Variants in SHC3 observed in about 807,000 individuals in gnomAD.
SHC3 encodes SHC-transforming protein 3.
SHC3 carries 15 observed loss-of-function variants against 60.4 expected under a neutral mutation model. That is an observed-to-expected ratio of 0.25 (90% CI 0.17 to 0.38). The LOEUF is 0.38. Among genes scored for constraint, SHC3 ranks in the 10% least tolerant of loss-of-function variants. The probability of loss-of-function intolerance (pLI) is 1.00; values close to 1 mark genes in which losing one functional copy is unlikely to be tolerated. For synonymous variants in SHC3, 294 were observed against 325.9 expected, an observed-to-expected ratio of 0.90 and a Z score of 1.05; for missense variants, 677 against 786.1, an observed-to-expected ratio of 0.86 and a Z score of 1.66.
intron 11 of SHC3, among the ~76,000 whole-genome samples, chr9:89,018,312 A>T (rs931246198): frequency 0.028 from 89 of 3,188 alleles, no homozygotes; most frequent in Non-Finnish European, 0.17. Flanking sequence ...TGCAGCCATA[A>T]AAAAAAGGAT....
At chr9:89,105,536 T>C (rs1825846964) in intron 2 of SHC3, among the ~76,000 whole-genome samples, 2 of 152,224 alleles carry the variant, frequency 1.3e-5, no homozygotes, top group African/African-American at 2.4e-5. Context: ...ATATCCTACT[T>C]ATGTATATGT....
Position 89,008,710 on chromosome 9 carries a change from A to C in SHC3, c.*4737T>G, listed in dbSNP as rs1332394114. Reference sequence around the variant, plus strand: ...CCAGAAACAGCCTTTCATAAGTGATAGACTTGGTGAATAAATACCCCAGCT... The same window carrying C: ...CCAGAAACAGCCTTTCATAAGTGATCGACTTGGTGAATAAATACCCCAGCT... On this transcript the variant is annotated 3_prime_UTR_variant, in exon 12 of 12. Transcript: ENST00000375835. The C allele has an allele frequency of 1.3e-5, 2 of 152,114 alleles. No homozygotes were observed. Among genetic ancestry groups the C allele is most frequent in the African/African-American group, 4.8e-5 (2 of 41,420 alleles). 9.4% of individuals were successfully genotyped at this position (152,114 alleles called of 1,614,324 possible).
At chr9:89,054,190 TC>T (rs1824909187) in intron 6 of SHC3, among the ~76,000 whole-genome samples, 1 of 152,078 alleles carries the variant, frequency 6.6e-6, no homozygotes, top group African/African-American at 2.4e-5. Flanking sequence ...GTGGGAAAGG[TC>T]CAGGACATGT....
At chr9:89,052,552 T>C (rs1286341965) in intron 6 of SHC3, among the ~76,000 whole-genome samples, 5 of 152,158 alleles carry the variant, frequency 3.3e-5, no homozygotes, top group Non-Finnish European at 5.9e-5. Context: ...CTAGGTCCCT[T>C]CAAACCCATG....
intron 2 of SHC3, among the ~76,000 whole-genome samples, chr9:89,093,599 A>G (rs1269850954): frequency 6.6e-6 from 1 of 152,066 alleles, no homozygotes; most frequent in Admixed American, 6.5e-5. Flanking sequence ...ATTCATAACA[A>G]AGGAAATTAA....
rs769351820 is a variant in SHC3, at chr9:89,046,946, T to C, written c.1011A>G (p.Ser337=). The change falls in exon 8 of 12, where the codon TCA becomes TCG. Residue 337 remains serine (S), a synonymous_variant. Transcript: ENST00000375835. ...GGATGCTGTTGTAGTATGGGTGGTC[T>C]GAGCCATCTCCCTCCTCTTCCGTCC... ...EPWTEEEGDG[S]DHPYYNSIPS... The C allele has an allele frequency of 2.5e-6, 4 of 1,610,550 alleles. No homozygotes were observed. The South Asian group carries it at 4.5e-5, about 18-fold the overall frequency.
At chr9:89,128,980 A>C (rs1291668293) in intron 1 of SHC3, among the ~76,000 whole-genome samples, 1 of 152,212 alleles carries the variant, frequency 6.6e-6, no homozygotes, top group Non-Finnish European at 1.5e-5. Flanking sequence ...GGATGTTCGA[A>C]CCCATCATAA....
intron 1 of SHC3, among the ~76,000 whole-genome samples, chr9:89,170,980 T>C (rs1175530523): frequency 6.6e-6 from 1 of 152,164 alleles, no homozygotes; most frequent in African/African-American, 2.4e-5. Context: ...CAAGGGATGA[T>C]TGTACACAAA....
rs556973125 is a variant in SHC3 at position 89,043,558 on chromosome 9, G to A, written c.1202-1374C>T. Among the ~76,000 whole-genome samples the A allele has an allele frequency of 3.9e-5, 6 of 152,286 alleles. No individual in the cohort carries two copies. The East Asian group carries it at 9.7e-4, about 24-fold the overall frequency. On this transcript the variant is annotated intron_variant, in intron 9 of 11. Coordinates refer to ENST00000375835, the MANE Select transcript of SHC3 (RefSeq NM_016848.6). ...CCGGGGCAGGAGGACACGTGCCATCGTGATACCTGGAGTTCACTTCCATTA... is the reference window on the plus strand; with the variant it reads ...CCGGGGCAGGAGGACACGTGCCATCATGATACCTGGAGTTCACTTCCATTA...
At chr9:89,158,965 C>T (rs1564188048) in intron 1 of SHC3, among the ~76,000 whole-genome samples, 1 of 152,118 alleles carries the variant, frequency 6.6e-6, no homozygotes, top group South Asian at 2.1e-4. Context: ...ATGACAGAGG[C>T]TGATAGTTGG....
At chr9:89,093,038 C>T (rs1026172230) in intron 2 of SHC3, among the ~76,000 whole-genome samples, 1 of 152,150 alleles carries the variant, frequency 6.6e-6, no homozygotes, top group Admixed American at 6.6e-5. Flanking sequence ...GAGTCCATTA[C>T]AAAGAATGCT....
chr9:89,168,113 C>G (rs1329820128), intron 1 of SHC3, among the ~76,000 whole-genome samples: 1 of 152,234 alleles, frequency 6.6e-6, no homozygotes, highest in South Asian at 2.1e-4. Flanking sequence ...AGCTCAGACC[C>G]CTACTCTAGC....
At chr9:89,024,335 TG>T (rs1164734194) in intron 11 of SHC3, among the ~76,000 whole-genome samples, 75 of 152,306 alleles carry the variant, frequency 4.9e-4, no homozygotes, top group African/African-American at 1.7e-3. Context: ...TGGAGTGCAA[TG>T]GTACGATCAT....
At chr9:89,150,117 T>C (rs753637633) in intron 1 of SHC3, among the ~76,000 whole-genome samples, 49 of 152,198 alleles carry the variant, frequency 3.2e-4, no homozygotes, top group Non-Finnish European at 5.0e-4. Context: ...TTGTCGTTAA[T>C]CCCTTACTGT....
intron 6 of SHC3, among the ~76,000 whole-genome samples, chr9:89,064,373 G>A (rs1354158643): frequency 6.6e-6 from 1 of 152,184 alleles, no homozygotes; most frequent in Non-Finnish European, 1.5e-5. Context: ...AGAGAGCCTG[G>A]TGAGGCAGCC....
chr9:89,120,519 C>G (rs1826077514), intron 1 of SHC3, among the ~76,000 whole-genome samples: 1 of 152,184 alleles, frequency 6.6e-6, no homozygotes, highest in Non-Finnish European at 1.5e-5. Context: ...TTTCACCCAG[C>G]AGAATGGTCA....
intron 6 of SHC3, among the ~76,000 whole-genome samples, chr9:89,058,645 G>C (rs561950773): frequency 1.3e-5 from 2 of 149,938 alleles, no homozygotes; most frequent in Admixed American, 1.3e-4. Flanking sequence ...GTGGAGGACA[G>C]TAGCAGAAGA....
rs778872194 is a variant in SHC3 at position 89,071,234 on chromosome 9, T to C, written c.748A>G (p.Met250Val). ...DSKQIIANHH[M>V]RSISFASGGD... ...CCAGAGGCGAAGGAGATGGACCGCA[T>C]GTGGTGATTCGCTATGATCTGCCAG... Residue 250 changes from methionine (M) to valine (V), a missense_variant, in exon 5 of 12, where the codon ATG (methionine) becomes GTG (valine). Transcript: ENST00000375835. 6.2e-7 allele frequency: 1 copy of C among 1,614,144 alleles called. No homozygotes were observed. Among genetic ancestry groups the C allele is most frequent in the Non-Finnish European group, 8.5e-7 (1 of 1,180,010 alleles).
In SHC3 at chr9:89,009,753, CAGAAA is replaced by C. The variant is rs2118623168; in HGVS notation, c.*3689_*3693del. ...GAGGCTTCTGCCCAGCTCAGCCCAA[CAGAAA>C]AGAAATGTGTGACTGCCTTCAGGTA... is the stretch of plus-strand genomic sequence containing the variant. On this transcript the variant is annotated 3_prime_UTR_variant, in exon 12 of 12. Coordinates refer to ENST00000375835, the MANE Select transcript of SHC3 (RefSeq NM_016848.6). 1 of 152,352 alleles carries C rather than the reference CAGAAA, an allele frequency of 6.6e-6. No individual in the cohort carries two copies. The highest frequency in any genetic ancestry group is 6.5e-5 in the Admixed American group (1 of 15,302). 9.4% of individuals were successfully genotyped at this position (152,352 alleles called of 1,614,324 possible).
Sources: allele counts gnomAD v4.1 joint callset (sites outside exome capture counted in the v4.1 genomes callset), GRCh38; gene constraint gnomAD v4.1.1; transcripts MANE v1.5; gene names NCBI Gene and HGNC (gene_info 2026-07-23, HGNC 2026-07-21).